Variants in CDH10 observed in about 807,000 individuals in gnomAD.
CDH10 encodes the protein cadherin 10.
In CDH10, 30 loss-of-function variants were observed where a neutral mutation model predicts 73.1. That is an observed-to-expected ratio of 0.41 (90% CI 0.31 to 0.56). CDH10 has a LOEUF of 0.56. Among genes scored for constraint, CDH10 ranks in the 20% least tolerant of loss-of-function variants. CDH10 has a pLI of 0.27. For missense variants in CDH10, 815 were observed against 973.7 expected (o/e 0.84, Z 2.17); for synonymous variants, 345 against 348.2 (o/e 0.99, Z 0.10).
At chr5:24,585,554 C>T (rs1745963261) in intron 2 of CDH10, among the ~76,000 whole-genome samples, 1 of 152,160 alleles carries the variant, frequency 6.6e-6, no homozygotes, top group African/African-American at 2.4e-5. Context: ...TCCCAAGTAG[C>T]TGGGATTGCA....
intron 2 of CDH10, among the ~76,000 whole-genome samples, chr5:24,549,920 T>C (rs1404437089): frequency 1.3e-5 from 2 of 152,078 alleles, no homozygotes; most frequent in African/African-American, 4.8e-5. Flanking sequence ...TGTATCAAAA[T>C]AGGTTTCAAA....
chr5:24,582,716 A>G (rs2112060036), intron 2 of CDH10, among the ~76,000 whole-genome samples: 1 of 152,368 alleles, frequency 6.6e-6, no homozygotes, highest in East Asian at 1.9e-4. Flanking sequence ...AAAGATTGAC[A>G]AAGGATCTGA....
intron 1 of CDH10, among the ~76,000 whole-genome samples, chr5:24,643,464 A>G (rs2112227194): frequency 6.6e-6 from 1 of 152,082 alleles, no homozygotes; most frequent in East Asian, 1.9e-4. Flanking sequence ...GTCTACTAAC[A>G]TATGCATTGA....
In CDH10 at chr5:24,557,800, T is replaced by TA. The variant is rs1744819693; in HGVS notation, c.232-20127dup. Among the ~76,000 whole-genome samples the TA allele has an allele frequency of 2.0e-5, 3 of 151,808 alleles. No individual in the cohort carries two copies. In the South Asian group the frequency reaches 6.2e-4, roughly 31 times the overall value. ...CTCCCTGCTGAATCTAACAATTACTTAAAAATTAGTATAGTCACTAAAGAA... is the reference window on the plus strand; with the variant it reads ...CTCCCTGCTGAATCTAACAATTACTTAAAAAATTAGTATAGTCACTAAAGAA... On this transcript the variant is annotated intron_variant, in intron 2 of 11. Transcript: ENST00000264463.
At chr5:24,559,410 C>A (rs540331230) in intron 2 of CDH10, among the ~76,000 whole-genome samples, 203 of 152,032 alleles carry the variant, frequency 1.3e-3, no homozygotes, top group African/African-American at 4.7e-3. Flanking sequence ...TCTTTTTAAT[C>A]CAACTGAATG....
intron 1 of CDH10, among the ~76,000 whole-genome samples, chr5:24,601,620 A>C (rs1394678764): frequency 6.6e-6 from 1 of 152,134 alleles, no homozygotes; most frequent in East Asian, 1.9e-4. Flanking sequence ...AATGTGTGGG[A>C]TATCTAAATT....
At chr5:24,497,139 G>A (rs535955032) in intron 9 of CDH10, among the ~76,000 whole-genome samples, 8 of 152,156 alleles carry the variant, frequency 5.3e-5, no homozygotes, top group South Asian at 2.1e-4. Flanking sequence ...AAAATAGACA[G>A]AAGGAAAATA....
intron 2 of CDH10, among the ~76,000 whole-genome samples, chr5:24,561,859 C>T (rs935313874): frequency 2.0e-5 from 3 of 152,070 alleles, no homozygotes; most frequent in Non-Finnish European, 2.9e-5. Flanking sequence ...GATTGGGATT[C>T]AGAACATTAA....
At position 24,544,955 on chromosome 5, in the gene CDH10, AAAAAAT is replaced by A. The variant is rs58584461; in HGVS notation, c.232-7287_232-7282del. 2.8e-3 allele frequency among the ~76,000 whole-genome samples: 425 copies of A among 152,304 alleles called. 1 individual carries two copies. The highest frequency in any genetic ancestry group is 9.6e-3 in the African/African-American group (400 of 41,566). Reference sequence around the variant, plus strand: ...TATCTACTTCCAAGGCCAGAAATTTAAAAAATATATTTACAGGCATTAACTGCTTCA... The same window carrying A: ...TATCTACTTCCAAGGCCAGAAATTTAATATTTACAGGCATTAACTGCTTCA... On this transcript the variant is annotated intron_variant, in intron 2 of 11. Coordinates refer to ENST00000264463, the MANE Select transcript of CDH10 (RefSeq NM_006727.5).
chr5:24,612,723 T>A (rs2112147844), intron 1 of CDH10: 1 of 152,280 alleles, frequency 6.6e-6, no homozygotes, highest in Middle Eastern at 3.4e-3. Context: ...AAATAACTTT[T>A]GGAGGAGTTA....
At chr5:24,521,214 A>G (rs1743318609) in intron 5 of CDH10, among the ~76,000 whole-genome samples, 1 of 152,216 alleles carries the variant, frequency 6.6e-6, no homozygotes, top group South Asian at 2.1e-4. Flanking sequence ...CAGATGCAGA[A>G]CAATCCACAT....
intron 2 of CDH10, among the ~76,000 whole-genome samples, chr5:24,537,917 G>T (rs962277451): frequency 2.0e-5 from 3 of 151,900 alleles, no homozygotes; most frequent in African/African-American, 7.3e-5. Flanking sequence ...ATTAAACCAA[G>T]CTCCTGTCTT....
chr5:24,497,613 T>C (rs1490235988), intron 9 of CDH10, among the ~76,000 whole-genome samples: 1 of 152,216 alleles, frequency 6.6e-6, no homozygotes, highest in African/African-American at 2.4e-5. Flanking sequence ...TTGATGTTTA[T>C]AAAGAGTATC....
intron 1 of CDH10, among the ~76,000 whole-genome samples, chr5:24,595,829 G>C (rs1435167993): frequency 6.6e-6 from 1 of 151,870 alleles, no homozygotes; most frequent in Non-Finnish European, 1.5e-5. Context: ...ACCTTCCCTA[G>C]TGTGAAAAGC....
In CDH10 at chr5:24,577,240, C is replaced by G. The variant is rs148003624; in HGVS notation, c.231+16020G>C. Among the ~76,000 whole-genome samples the G allele has an allele frequency of 1.5e-3, 223 of 152,100 alleles. 1 individual carries two copies. Among genetic ancestry groups the G allele is most frequent in the African/African-American group, 5.3e-3 (218 of 41,480 alleles). On this transcript the variant is annotated intron_variant, in intron 2 of 11. Transcript: ENST00000264463. ...ATAAACCACAGAATTTATTTAATAA[C>G]AATGTATACCTATTGGCTGATTATT...
chr5:24,501,426 C>T (rs1311451734), intron 8 of CDH10, among the ~76,000 whole-genome samples: 1 of 152,146 alleles, frequency 6.6e-6, no homozygotes, highest in East Asian at 1.9e-4. Flanking sequence ...CAGATGCTGT[C>T]GCTTATGTAT....
intron 2 of CDH10, among the ~76,000 whole-genome samples, chr5:24,579,691 T>G (rs1745724982): frequency 6.6e-6 from 1 of 152,086 alleles, no homozygotes; most frequent in Non-Finnish European, 1.5e-5. Context: ...TTACATTTTC[T>G]TTGTCTTCTA....
intron 9 of CDH10, among the ~76,000 whole-genome samples, chr5:24,494,383 T>C (rs1742185424): frequency 6.6e-6 from 1 of 151,902 alleles, no homozygotes; most frequent in African/African-American, 2.4e-5. Context: ...CAAATAATGA[T>C]TTATAAGTAT....
At chr5:24,604,217 G>A (rs185599972) in intron 1 of CDH10, among the ~76,000 whole-genome samples, 180 of 152,142 alleles carry the variant, frequency 1.2e-3, no homozygotes, top group African/African-American at 4.2e-3. Flanking sequence ...ACATGTAGTG[G>A]CACAGGCCTG....
Sources: gnomAD v4.1 joint callset for allele counts (sites outside exome capture counted in the v4.1 genomes callset) on GRCh38, gnomAD v4.1.1 for gene constraint, MANE v1.5 for transcripts, NCBI Gene and HGNC (gene_info 2026-07-23, HGNC 2026-07-21) for gene names.